The following TRPM3 variants were observed in gnomAD, a reference collection of about 807,000 sequenced individuals.
The protein encoded by TRPM3 is long transient receptor potential channel 3.
In TRPM3, 77 loss-of-function variants were observed where a neutral mutation model predicts 181.2. That is an observed-to-expected ratio of 0.42 (90% CI 0.35 to 0.51). The LOEUF (loss-of-function observed/expected upper bound fraction) is 0.51, where lower values mean the gene tolerates loss of function less well. Among genes scored for constraint, TRPM3 ranks in the 20% least tolerant of loss-of-function variants. The probability of loss-of-function intolerance (pLI) is 0.01; values close to 1 mark genes in which losing one functional copy is unlikely to be tolerated. For synonymous variants in TRPM3, 745 were observed against 796.4 expected, an observed-to-expected ratio of 0.94 and a Z score of 1.09; for missense variants, 1,759 against 2,196.7, an observed-to-expected ratio of 0.80 and a Z score of 3.98.
At chr9:71,073,494 T>C (rs958896260) in intron 1 of TRPM3, among the ~76,000 whole-genome samples, 1 of 152,204 alleles carries the variant, frequency 6.6e-6, no homozygotes, top group African/African-American at 2.4e-5. Flanking sequence ...CAGTGATTAG[T>C]TCCTGACAAC....
At chr9:71,446,480 G>T (rs2094205445) in intron 1 of TRPM3, among the ~76,000 whole-genome samples, 2 of 152,282 alleles carry the variant, frequency 1.3e-5, no homozygotes, top group South Asian at 4.1e-4. Context: ...GAGGGAAGAC[G>T]TTCCTTCTCG....
At chr9:70,569,562 C>T (rs79416163) in intron 22 of TRPM3, among the ~76,000 whole-genome samples, 3,698 of 152,222 alleles carry the variant, frequency 0.024, 136 homozygotes, top group African/African-American at 0.082. Flanking sequence ...GAACCAGAGA[C>T]GATGAGTTTA....
chr9:71,005,449 C>G (rs1337690167), intron 1 of TRPM3, among the ~76,000 whole-genome samples: 1 of 151,456 alleles, frequency 6.6e-6, no homozygotes, highest in Non-Finnish European at 1.5e-5. Flanking sequence ...CAACCAAATT[C>G]AACCCAAATA....
intron 1 of TRPM3, among the ~76,000 whole-genome samples, chr9:70,952,552 T>G (rs78936298): frequency 0.019 from 2,932 of 152,310 alleles, 51 homozygotes; most frequent in East Asian, 0.052. Flanking sequence ...ATTTGGAGAT[T>G]AATAAAACAT....
rs560978916 is a variant in TRPM3 at position 71,169,465 on chromosome 9, A to G, written c.183+277188T>C. Among the ~76,000 whole-genome samples the G allele has an allele frequency of 5.0e-4, 76 of 152,284 alleles. 2 individuals carry two copies. The South Asian group carries it at 0.015, about 31-fold the overall frequency. ...GTGCAGAATGTGGCTATGCAAACAGATTAAGGGTAGATCAGGAAAGTCAAT... is the reference window on the plus strand; with the variant it reads ...GTGCAGAATGTGGCTATGCAAACAGGTTAAGGGTAGATCAGGAAAGTCAAT... On this transcript the variant is annotated intron_variant, in intron 1 of 24. Coordinates refer to the TRPM3 transcript ENST00000357533.
At chr9:70,918,056 G>A (rs999805031) in intron 1 of TRPM3, among the ~76,000 whole-genome samples, 2 of 152,056 alleles carry the variant, frequency 1.3e-5, no homozygotes, top group Non-Finnish European at 2.9e-5. Flanking sequence ...GACAAAGTAG[G>A]TAACTATGTA....
chr9:71,435,123 T>C (rs2094013328), intron 1 of TRPM3, among the ~76,000 whole-genome samples: 1 of 152,222 alleles, frequency 6.6e-6, no homozygotes, highest in Admixed American at 6.5e-5. Context: ...ATTTACACTA[T>C]CTGTTCATGA....
intron 1 of TRPM3, among the ~76,000 whole-genome samples, chr9:71,147,781 G>A (rs2075504410): frequency 6.6e-6 from 1 of 152,112 alleles, no homozygotes; most frequent in South Asian, 2.1e-4. Context: ...GCTGCCTCTG[G>A]ACAAAGGTAT....
chr9:70,649,300 T>C (rs183909134), intron 9 of TRPM3, among the ~76,000 whole-genome samples: 1 of 152,124 alleles, frequency 6.6e-6, no homozygotes, highest in Non-Finnish European at 1.5e-5. Flanking sequence ...GCAATTCTCC[T>C]GCCTCAGCCT....
intron 1 of TRPM3, among the ~76,000 whole-genome samples, chr9:71,111,261 A>G (rs2071012526): frequency 6.6e-6 from 1 of 152,216 alleles, no homozygotes; most frequent in African/African-American, 2.4e-5. Flanking sequence ...AATGAAAAAG[A>G]AAGTGTGTCT....
At chr9:71,158,046 A>T (rs1427424998) in intron 1 of TRPM3, among the ~76,000 whole-genome samples, 1 of 152,180 alleles carries the variant, frequency 6.6e-6, no homozygotes, top group Non-Finnish European at 1.5e-5. Context: ...AAACCTAATT[A>T]TAATATTGTA....
At chr9:70,871,096 G>C (rs937218549) in intron 1 of TRPM3, among the ~76,000 whole-genome samples, 4 of 151,814 alleles carry the variant, frequency 2.6e-5, no homozygotes, top group Non-Finnish European at 5.9e-5. Context: ...AATGTGGAGG[G>C]TGAGTTTTCT....
At chr9:71,418,975 A>G (rs954222192) in intron 1 of TRPM3, among the ~76,000 whole-genome samples, 3 of 150,310 alleles carry the variant, frequency 2.0e-5, no homozygotes, top group Non-Finnish European at 3.0e-5. Flanking sequence ...TTTGAAAACC[A>G]TAAGGCAACC....
Position 70,641,153 on chromosome 9 carries a change from C to T in TRPM3, c.1346-493G>A, listed in dbSNP as rs115536574. ...AAAACTGGCCTGGTGAGCAGCATTGCTCTACCGTCTGGCTAGGCAAAGTGT... is the reference window on the plus strand; with the variant it reads ...AAAACTGGCCTGGTGAGCAGCATTGTTCTACCGTCTGGCTAGGCAAAGTGT... On this transcript the variant is annotated intron_variant, in intron 9 of 25. Transcript: ENST00000677713. Among the ~76,000 whole-genome samples the T allele has an allele frequency of 2.1e-3, 319 of 152,282 alleles. 1 individual carries two copies. The highest frequency in any genetic ancestry group is 7.4e-3 in the African/African-American group (308 of 41,576).
At chr9:71,020,191 C>T (rs2097832737) in intron 1 of TRPM3, among the ~76,000 whole-genome samples, 2 of 151,372 alleles carry the variant, frequency 1.3e-5, no homozygotes, top group South Asian at 4.2e-4. Context: ...CACTGGACAA[C>T]ATTAAAAATG....
Position 71,307,957 on chromosome 9 carries a change from T to G in TRPM3, c.183+138696A>C, listed in dbSNP as rs190430200. Among the ~76,000 whole-genome samples the G allele has an allele frequency of 2.0e-5, 3 of 151,840 alleles. No individual in the cohort carries two copies. The East Asian group carries it at 5.8e-4, about 29-fold the overall frequency. Reference sequence around the variant, plus strand: ...ACTGGAGCCTTTTATTAGAAGTTATTTTTTCTTTCTTTCTTTCTTTTTTTT... The same window carrying G: ...ACTGGAGCCTTTTATTAGAAGTTATGTTTTCTTTCTTTCTTTCTTTTTTTT... On this transcript the variant is annotated intron_variant, in intron 1 of 24. Transcript: ENST00000357533.
intron 22 of TRPM3, among the ~76,000 whole-genome samples, chr9:70,556,547 C>T (rs2047750035): frequency 6.6e-6 from 1 of 152,066 alleles, no homozygotes; most frequent in Admixed American, 6.5e-5. Context: ...CATGGCAAAA[C>T]CCTGTCTCTA....
In TRPM3 at chr9:70,625,938, T is replaced by G. The variant is rs567989170; in HGVS notation, c.1633-421A>C. ...AGAGCAATATTTAGGGAGGGGATTT[T>G]GGGTGTCAGAATGAGGTTGTATATG... On this transcript the variant is annotated intron_variant, in intron 12 of 25. Coordinates refer to ENST00000677713, the MANE Select transcript of TRPM3 (RefSeq NM_001366145.2). This position sits in a 1 kb window ranked among gnomAD's most constrained non-coding sequence, Gnocchi z 4.8. Among the ~76,000 whole-genome samples the G allele has an allele frequency of 1.3e-5, 2 of 152,300 alleles. No individual in the cohort carries two copies. Among genetic ancestry groups the G allele is most frequent in the East Asian group, 3.9e-4 (2 of 5,182 alleles).
chr9:71,231,804 G>A (rs961496687), intron 1 of TRPM3, among the ~76,000 whole-genome samples: 1 of 152,120 alleles, frequency 6.6e-6, no homozygotes, highest in Non-Finnish European at 1.5e-5. Flanking sequence ...AAGCGGGTTT[G>A]GGTTAAAAAA....
Sources: allele counts gnomAD v4.1 joint callset (sites outside exome capture counted in the v4.1 genomes callset), GRCh38; gene constraint gnomAD v4.1.1; non-coding constraint Gnocchi (gnomAD v3.1); transcripts MANE v1.5; gene names NCBI Gene and HGNC (gene_info 2026-07-23, HGNC 2026-07-21).